The following METTL2B variants were observed in gnomAD, a reference collection of about 807,000 sequenced individuals.
The protein encoded by METTL2B is methyltransferase 2B, tRNA N3-cytidine.
A neutral mutation model predicts 51.0 loss-of-function variants in METTL2B; 28 were observed. That is an observed-to-expected ratio of 0.55 (90% CI 0.41 to 0.75). The LOEUF is 0.75. Among genes scored for constraint, METTL2B ranks in the 30% least tolerant of loss-of-function variants. METTL2B has a pLI of 0.00. For synonymous variants in METTL2B, 128 were observed against 166.3 expected (o/e 0.77, Z 1.77); for missense variants, 313 against 460.7 (o/e 0.68, Z 2.93).
chr7:128,496,611 AAAAC>A (rs1401223609), intron 6 of METTL2B, among the ~76,000 whole-genome samples: 1 of 152,156 alleles, frequency 6.6e-6, no homozygotes, highest in East Asian at 1.9e-4. Flanking sequence ...GACATGGACT[AAAAC>A]AAATTATTAA....
intron 8 of METTL2B, 37 bp downstream of exon 8, chr7:128,501,005 A>G: frequency 1.2e-6 from 2 of 1,613,506 alleles, no homozygotes; most frequent in Non-Finnish European, 1.7e-6. Context: ...AAAAGTCCCC[A>G]GTACCAGATG....
intron 4 of METTL2B, among the ~76,000 whole-genome samples, chr7:128,482,355 C>A (rs1303442890): frequency 6.6e-6 from 1 of 151,644 alleles, no homozygotes; most frequent in Non-Finnish European, 1.5e-5. Context: ...GGTTTCACCA[C>A]ATTGGCCAGG....
At chr7:128,493,733 A>G (rs1222723291) in intron 5 of METTL2B, 71 bp from the exon 6 acceptor site, 6 of 1,526,378 alleles carry the variant, frequency 3.9e-6, no homozygotes, top group African/African-American at 2.8e-5. Context: ...TTAAAATTTA[A>G]AACAAGATAA....
Position 128,503,510 on chromosome 7 carries a change from A to G in METTL2B, c.*1594A>G, listed in dbSNP as rs1238636370. 1 of 148,074 alleles carries G rather than the reference A, an allele frequency of 6.8e-6. No homozygotes were observed. Among genetic ancestry groups the G allele is most frequent in the Non-Finnish European group, 1.5e-5 (1 of 67,590 alleles). The allele number at this position is 148,074 out of a possible 1,614,324, so 9.2% of individuals were successfully genotyped here. A position where few individuals can be genotyped will look rare whatever the true frequency, so the allele number is the denominator to read the frequency against. ...GAGTTCAGTGGTGCAATGATAGCTC[A>G]TTATCACCTCGAACTTCTGGCTTGA... On this transcript the variant is annotated 3_prime_UTR_variant, in exon 9 of 9. Transcript: ENST00000262432.
intron 5 of METTL2B, among the ~76,000 whole-genome samples, chr7:128,492,001 G>A (rs184155912): frequency 3.4e-4 from 52 of 152,162 alleles, no homozygotes; most frequent in Non-Finnish European, 5.4e-4. Flanking sequence ...GTTTTGAATC[G>A]TGTACTTTGT....
chr7:128,484,234 T>TTTTTTTTTG (rs1563027714), intron 4 of METTL2B: 4 of 127,214 alleles, frequency 3.1e-5, no homozygotes, highest in Admixed American at 8.1e-5. Flanking sequence ...TTTTTTTTTT[T>TTTTTTTTTG]TTTTTTTTTT....
chr7:128,487,773 G>A (rs1287766198), intron 4 of METTL2B, among the ~76,000 whole-genome samples: 16 of 151,696 alleles, frequency 1.1e-4, no homozygotes, highest in Non-Finnish European at 1.9e-4. Context: ...GTGGCTCAGC[G>A]AAGAAAAAAG....
In METTL2B at chr7:128,501,936, C is replaced by G. The variant is rs375896143; in HGVS notation, c.*20C>G. 6.2e-7 allele frequency: 1 copy of G among 1,612,374 alleles called. No individual in the cohort carries two copies. Among genetic ancestry groups the G allele is most frequent in the Non-Finnish European group, 8.5e-7 (1 of 1,178,920 alleles). Reference sequence around the variant, plus strand: ...AGCTAAGAGGCACCTGCTGCCAACACGATGCAAGCCCGTTGTGTTTCCGAG... The same window carrying G: ...AGCTAAGAGGCACCTGCTGCCAACAGGATGCAAGCCCGTTGTGTTTCCGAG... On this transcript the variant is annotated 3_prime_UTR_variant, in exon 9 of 9. Coordinates refer to ENST00000262432, the MANE Select transcript of METTL2B (RefSeq NM_018396.3).
At chr7:128,477,846 A>G (rs117068541) in intron 2 of METTL2B, 7,024 of 348,678 alleles carry the variant, frequency 0.02, 139 homozygotes, top group South Asian at 0.048. Flanking sequence ...GGTTCCAGTT[A>G]CAAAACATTC....
intron 5 of METTL2B, among the ~76,000 whole-genome samples, chr7:128,488,990 T>C (rs1792772989): frequency 6.6e-6 from 1 of 152,050 alleles, no homozygotes; most frequent in Admixed American, 6.6e-5. Flanking sequence ...CACATACCTG[T>C]AATTTCAGCT....
At chr7:128,498,231 C>G in intron 7 of METTL2B, 89 bp downstream of exon 7, 1 of 1,435,442 alleles carries the variant, frequency 7.0e-7, no homozygotes, top group South Asian at 1.2e-5. Context: ...TCTCAGCAAA[C>G]TAACACAAGA....
chr7:128,478,144 T>C (rs1469518379), intron 2 of METTL2B, among the ~76,000 whole-genome samples: 1 of 152,090 alleles, frequency 6.6e-6, no homozygotes, highest in Non-Finnish European at 1.5e-5. Context: ...TAGGTTTTTA[T>C]TCTTTCTACT....
At chr7:128,491,761 C>CAAAAA (rs57526525) in intron 5 of METTL2B, among the ~76,000 whole-genome samples, 2 of 114,554 alleles carry the variant, frequency 1.7e-5, no homozygotes, top group African/African-American at 7.0e-5. Context: ...GACTCTGTCT[C>CAAAAA]AAAAAAAAAA....
chr7:128,501,620 GCCA>G (rs1793031338), intron 8 of METTL2B, 139 bp from the exon 9 acceptor site: 1 of 1,476,340 alleles, frequency 6.8e-7, no homozygotes, highest in African/African-American at 1.4e-5. Flanking sequence ...TTGTTACCAA[GCCA>G]CCACTGCATT....
At chr7:128,498,725 G>T (rs1055581913) in intron 7 of METTL2B, among the ~76,000 whole-genome samples, 1 of 152,144 alleles carries the variant, frequency 6.6e-6, no homozygotes, top group Admixed American at 6.6e-5. Context: ...ACAGCCGGGC[G>T]CAGTGGCTCA....
rs1793065082 is a variant in METTL2B at position 128,503,287 on chromosome 7, T to G, written c.*1371T>G. 1 of 150,788 alleles carries G rather than the reference T, an allele frequency of 6.6e-6. No individual in the cohort carries two copies. Among genetic ancestry groups the G allele is most frequent in the Non-Finnish European group, 1.5e-5 (1 of 68,022 alleles). 9.3% of individuals were successfully genotyped at this position (150,788 alleles called of 1,614,324 possible). A position where few individuals can be genotyped will look rare whatever the true frequency, so the allele number is the denominator to read the frequency against. ...AGAGGAAGACTCTGTCTCAAAAAAATAAAAGAAAAGAATTTTCACTTTTTG... is the reference window on the plus strand; with the variant it reads ...AGAGGAAGACTCTGTCTCAAAAAAAGAAAAGAAAAGAATTTTCACTTTTTG... On this transcript the variant is annotated 3_prime_UTR_variant, in exon 9 of 9. Transcript: ENST00000262432.
At chr7:128,488,317 T>C (rs750837980) in intron 5 of METTL2B, 156 bp downstream of exon 5, 116 of 924,172 alleles carry the variant, frequency 1.3e-4, no homozygotes, top group Non-Finnish European at 1.9e-4. Context: ...CCTTGTTTTA[T>C]TGCAGTTCAC....
intron 3 of METTL2B, among the ~76,000 whole-genome samples, chr7:128,480,132 A>T (rs972832469): frequency 2.6e-5 from 4 of 152,296 alleles, no homozygotes; most frequent in African/African-American, 7.2e-5. Context: ...GAGCAGTGAG[A>T]CTGCTGCCTC....
chr7:128,496,172 C>A (rs748204744), intron 6 of METTL2B, among the ~76,000 whole-genome samples: 4 of 152,108 alleles, frequency 2.6e-5, no homozygotes, highest in Non-Finnish European at 4.4e-5. Flanking sequence ...CTGAAGTTAT[C>A]CAACCTTAGA....
Sources: allele counts gnomAD v4.1 joint callset (sites outside exome capture counted in the v4.1 genomes callset), GRCh38; gene constraint gnomAD v4.1.1; transcripts MANE v1.5; gene names NCBI Gene and HGNC (gene_info 2026-07-23, HGNC 2026-07-21).